PHACTR3: variants seen among roughly 807,000 people sequenced by gnomAD.
The protein encoded by PHACTR3 is phosphatase and actin regulator 3.
Under a neutral mutation model 66.8 loss-of-function variants are expected in PHACTR3, and 16 were observed. The observed-to-expected ratio is 0.24, with a 90% CI of 0.16 to 0.36. The LOEUF (loss-of-function observed/expected upper bound fraction) is 0.36. PHACTR3 is among the 10% of genes least tolerant of loss of function. The pLI, the probability that PHACTR3 is intolerant of heterozygous loss-of-function variation, is 1.00. For synonymous variants in PHACTR3, 323 were observed against 292.1 expected, an observed-to-expected ratio of 1.11 and a Z score of -1.08; for missense variants, 647 against 719.9, an observed-to-expected ratio of 0.90 and a Z score of 1.16.
chr20:59,834,901 T>C (rs1488004498), intron 8 of PHACTR3, among the ~76,000 whole-genome samples: 1 of 152,174 alleles, frequency 6.6e-6, no homozygotes, highest in Non-Finnish European at 1.5e-5. Flanking sequence ...ATACATAAAA[T>C]ACACTAACGA....
chr20:59,707,371 G>A (rs1379613628), intron 1 of PHACTR3, among the ~76,000 whole-genome samples: 1 of 152,042 alleles, frequency 6.6e-6, no homozygotes, highest in Non-Finnish European at 1.5e-5. Flanking sequence ...AGTGGCTTGG[G>A]GCCCTCCCCA....
At chr20:59,687,959 C>A (rs543073943) in intron 1 of PHACTR3, among the ~76,000 whole-genome samples, 2 of 152,254 alleles carry the variant, frequency 1.3e-5, no homozygotes, top group East Asian at 3.9e-4. Flanking sequence ...TAGTTTGTGG[C>A]TCATGTGTCA....
At chr20:59,629,355 C>T (rs1024129121) in intron 1 of PHACTR3, among the ~76,000 whole-genome samples, 1 of 152,242 alleles carries the variant, frequency 6.6e-6, no homozygotes, top group Admixed American at 6.5e-5. Context: ...CCTGAGAAGG[C>T]CCAGCCTTCC....
chr20:59,602,215 C>T (rs1321429), upstream of PHACTR3, among the ~76,000 whole-genome samples: 136,961 of 152,136 alleles, frequency 0.9, 61,830 homozygotes, highest in South Asian at 0.97. Flanking sequence ...CCGTGGTCCC[C>T]CCCACCAATG....
intron 1 of PHACTR3, among the ~76,000 whole-genome samples, chr20:59,630,549 C>A (rs912635714): frequency 6.6e-6 from 1 of 152,216 alleles, no homozygotes; most frequent in African/African-American, 2.4e-5. Flanking sequence ...TCATTTTAAA[C>A]TTTCTTAAGA....
chr20:59,769,708 C>G (rs1451668571), intron 5 of PHACTR3, among the ~76,000 whole-genome samples: 1 of 152,198 alleles, frequency 6.6e-6, no homozygotes, highest in Non-Finnish European at 1.5e-5. Flanking sequence ...ACAGGGCATA[C>G]AGCAGGCACT....
intron 1 of PHACTR3, among the ~76,000 whole-genome samples, chr20:59,631,491 G>C (rs561616620): frequency 2.6e-5 from 4 of 152,238 alleles, no homozygotes; most frequent in Admixed American, 2.6e-4. Flanking sequence ...GAGAGAGGTA[G>C]GACTTTGTCT....
chr20:59,806,079 G>T lies in PHACTR3; in HGVS notation c.1213G>T (p.Val405Leu), dbSNP rs753718587. ...PRKCKKELLA[V>L]KLRNRPSKQE... ...GAAATGCAAGAAGGAGCTCCTGGCCGTGAAGCTAAGGAACCGGCCAAGCAA... is the reference window on the plus strand; with the variant it reads ...GAAATGCAAGAAGGAGCTCCTGGCCTTGAAGCTAAGGAACCGGCCAAGCAA... Residue 405 changes from valine (V) to leucine (L), a missense_variant, in exon 8 of 13, where the codon GTG (valine) becomes TTG (leucine). Physicochemically the swap from Val to Leu is conservative, Grantham distance 32. Around this residue, in one of 2 missense-constraint regions of PHACTR3, gnomAD observed 577 missense variants for 571.1 expected, o/e 1.01. Transcript: ENST00000371015. 6.2e-7 allele frequency: 1 copy of T among 1,614,202 alleles called. No homozygotes were observed. Among genetic ancestry groups the T allele is most frequent in the South Asian group, 1.1e-5 (1 of 91,086 alleles).
chr20:59,771,581 C>T (rs576047930), intron 5 of PHACTR3, among the ~76,000 whole-genome samples: 119 of 152,018 alleles, frequency 7.8e-4, no homozygotes, highest in African/African-American at 2.5e-3. Context: ...GGTGCCCTCT[C>T]GCCCCCCTCC....
chr20:59,792,808 T>A (rs1266689215), intron 7 of PHACTR3, among the ~76,000 whole-genome samples: 3 of 152,268 alleles, frequency 2.0e-5, no homozygotes, highest in Non-Finnish European at 4.4e-5. Context: ...GTTTTTATGC[T>A]GCTTTAGTTA....
intron 10 of PHACTR3, among the ~76,000 whole-genome samples, chr20:59,840,960 C>CAAGGCTTT (rs2059047915): frequency 1.3e-5 from 2 of 152,318 alleles, no homozygotes; most frequent in Non-Finnish European, 2.9e-5. Context: ...TTTCTAAATT[C>CAAGGCTTT]AAGTGTTCTG....
At chr20:59,826,070 T>G (rs2042182429) in intron 8 of PHACTR3, among the ~76,000 whole-genome samples, 1 of 151,930 alleles carries the variant, frequency 6.6e-6, no homozygotes, top group Admixed American at 6.6e-5. Context: ...GAGAAATGGA[T>G]TTTTGTTGTT....
At chr20:59,702,912 G>A (rs1051656233) in intron 1 of PHACTR3, among the ~76,000 whole-genome samples, 11 of 152,132 alleles carry the variant, frequency 7.2e-5, no homozygotes, top group Middle Eastern at 3.2e-3. Flanking sequence ...CCTGAGTTTC[G>A]TCTACATGGC....
intron 1 of PHACTR3, chr20:59,721,575 G>C (rs1461950244): frequency 1.3e-5 from 2 of 152,314 alleles, no homozygotes; most frequent in Admixed American, 6.5e-5. Flanking sequence ...GCCAGGAGTT[G>C]GGAAGGGGGT....
rs368403627 is a variant in PHACTR3 at position 59,577,847 on chromosome 20, A to G, written c.109+230A>G. Among the ~76,000 whole-genome samples, 4 of 152,290 alleles carry G rather than the reference A, an allele frequency of 2.6e-5. No individual in the cohort carries two copies. The East Asian group carries it at 5.8e-4, about 22-fold the overall frequency. On this transcript the variant is annotated intron_variant, in intron 1 of 12. Transcript: ENST00000359926. Reference sequence around the variant, plus strand: ...CCAGAGTCTCTCCCTAAACAAGGGCAGTGTCCGCAGGGTCAGAAGCGCTGG... The same window carrying G: ...CCAGAGTCTCTCCCTAAACAAGGGCGGTGTCCGCAGGGTCAGAAGCGCTGG...
intron 7 of PHACTR3, among the ~76,000 whole-genome samples, chr20:59,777,656 C>T (rs1392639767): frequency 1.3e-5 from 2 of 152,194 alleles, no homozygotes; most frequent in African/African-American, 4.8e-5. Context: ...TCTTGTCATT[C>T]TCTATTCTCT....
chr20:59,823,224 G>A (rs914946025), intron 8 of PHACTR3, among the ~76,000 whole-genome samples: 1 of 152,138 alleles, frequency 6.6e-6, no homozygotes, highest in Non-Finnish European at 1.5e-5. Flanking sequence ...CATCTGTCCG[G>A]AGTCAGCCAC....
chr20:59,583,023 C>G (rs945962650), intron 1 of PHACTR3, among the ~76,000 whole-genome samples: 1 of 152,128 alleles, frequency 6.6e-6, no homozygotes, highest in African/African-American at 2.4e-5. Context: ...AGGGAGGGTC[C>G]TGGTTTTAGC....
intron 1 of PHACTR3, among the ~76,000 whole-genome samples, chr20:59,630,718 A>G (rs1189202171): frequency 2.0e-5 from 3 of 152,074 alleles, no homozygotes; most frequent in African/African-American, 7.2e-5. Context: ...CACCATCTAG[A>G]GGAAGTGCCA....
Sources: gnomAD v4.1 joint callset for allele counts (sites outside exome capture counted in the v4.1 genomes callset) on GRCh38, gnomAD v4.1.1 for gene constraint, gnomAD v4.1.1 regional missense constraint, MANE v1.5 for transcripts, NCBI Gene and HGNC (gene_info 2026-07-23, HGNC 2026-07-21) for gene names.